The following CSMD3 variants were observed in gnomAD, a reference collection of about 807,000 sequenced individuals.
CSMD3 encodes CUB and Sushi multiple domains 3, also known as CUB and sushi domain-containing protein 3.
Under a neutral mutation model 435.2 loss-of-function variants are expected in CSMD3, and 177 were observed. The observed-to-expected ratio is 0.41, with a 90% CI of 0.36 to 0.46. CSMD3 has a LOEUF of 0.46. Among genes scored for constraint, CSMD3 ranks in the 20% least tolerant of loss-of-function variants. The pLI is 0.34. For missense variants in CSMD3, 4,265 were observed against 4,504.6 expected, an observed-to-expected ratio of 0.95 and a Z score of 1.52; for synonymous variants, 1,656 against 1,520.5, an observed-to-expected ratio of 1.09 and a Z score of -2.07.
intron 10 of CSMD3, among the ~76,000 whole-genome samples, chr8:112,879,429 G>A (rs2081385958): frequency 6.6e-6 from 1 of 152,038 alleles, no homozygotes; most frequent in South Asian, 2.1e-4. Flanking sequence ...TGCCCAGTGG[G>A]ACATGGACCC....
chr8:113,087,846 A>C (rs2089854562), intron 5 of CSMD3, among the ~76,000 whole-genome samples: 1 of 152,350 alleles, frequency 6.6e-6, no homozygotes, highest in Non-Finnish European at 1.5e-5. Context: ...ACAAAAGCCA[A>C]AATTGACAAA....
chr8:112,224,489 T>C lies in CSMD3; in HGVS notation c.*282A>G. ...TGATAGTGGATGCTCCTCCAATATATGCAAATAAGTTTATATTTTAGAATA... is the reference window on the plus strand; with the variant it reads ...TGATAGTGGATGCTCCTCCAATATACGCAAATAAGTTTATATTTTAGAATA... On this transcript the variant is annotated 3_prime_UTR_variant, in exon 71 of 71. Coordinates refer to ENST00000297405, the MANE Select transcript of CSMD3 (RefSeq NM_198123.2). 1 of 435,584 alleles carries C rather than the reference T, an allele frequency of 2.3e-6. No individual in the cohort carries two copies. Among genetic ancestry groups the C allele is most frequent in the Non-Finnish European group, 4.3e-6 (1 of 233,856 alleles). The allele number at this position is 435,584 out of a possible 1,614,324, so 27.0% of individuals were successfully genotyped here.
Position 113,337,654 on chromosome 8 carries a change from CT to C in CSMD3, c.179-22862del, listed in dbSNP as rs1244046119. 3.3e-5 allele frequency among the ~76,000 whole-genome samples: 5 copies of C among 151,880 alleles called. No homozygotes were observed. The South Asian group carries it at 1.0e-3, about 32-fold the overall frequency. On this transcript the variant is annotated intron_variant, in intron 1 of 70. Transcript: ENST00000297405. Reference sequence around the variant, plus strand: ...AATTAGATTTTATCAAAATTAAAAGCTTTGTGTGTTATAAATGATACCATAA... The same window carrying C: ...AATTAGATTTTATCAAAATTAAAAGCTTGTGTGTTATAAATGATACCATAA...
chr8:113,016,976 T>G (rs1034565474), intron 6 of CSMD3, among the ~76,000 whole-genome samples: 7 of 151,972 alleles, frequency 4.6e-5, no homozygotes, highest in African/African-American at 1.4e-4. Context: ...AAAGCAAGCC[T>G]AAATTAGGAA....
intron 38 of CSMD3, among the ~76,000 whole-genome samples, chr8:112,370,023 GGAAGAAGAAGAA>G (rs71309767): frequency 0.14 from 9,355 of 66,602 alleles, 657 homozygotes; most frequent in Admixed American, 0.26. Context: ...AAGAAGAAGA[GGAAGAAGAAGAA>G]GAAGAAGAAG....
At chr8:112,660,298 G>C (rs989639172) in intron 17 of CSMD3, among the ~76,000 whole-genome samples, 6 of 152,150 alleles carry the variant, frequency 3.9e-5, no homozygotes, top group Non-Finnish European at 5.9e-5. Flanking sequence ...GATCAAGGAA[G>C]TGATAGGCAT....
intron 40 of CSMD3, among the ~76,000 whole-genome samples, chr8:112,348,666 GCAGGCAGATCACCTGAGGT>G (rs1456873309): frequency 6.6e-6 from 1 of 152,102 alleles, no homozygotes; most frequent in Non-Finnish European, 1.5e-5. Context: ...GTATACCGAG[GCAGGCAGATCACCTGAGGT>G]CAGGAGTTCG....
intron 38 of CSMD3, among the ~76,000 whole-genome samples, chr8:112,358,385 G>T (rs2131098785): frequency 6.6e-6 from 1 of 152,202 alleles, no homozygotes; most frequent in South Asian, 2.1e-4. Context: ...GGGGACTGTT[G>T]GGAAGGCATG....
chr8:112,472,402 G>C (rs1818610544), intron 32 of CSMD3, among the ~76,000 whole-genome samples, 189 bp downstream of exon 32: 1 of 152,158 alleles, frequency 6.6e-6, no homozygotes, highest in Admixed American at 6.5e-5. Context: ...CTGTGTACTT[G>C]ACTGTAAATT....
intron 16 of CSMD3, among the ~76,000 whole-genome samples, chr8:112,673,288 T>C (rs1213003907): frequency 6.6e-6 from 1 of 151,302 alleles, no homozygotes; most frequent in African/African-American, 2.4e-5. Context: ...ACAAGTCAGG[T>C]ATGTATCTAG....
chr8:113,001,912 A>G (rs138936991), intron 6 of CSMD3, among the ~76,000 whole-genome samples: 2 of 152,148 alleles, frequency 1.3e-5, no homozygotes, highest in African/African-American at 4.8e-5. Flanking sequence ...CTTTTGTTGA[A>G]TAAATATATG....
chr8:112,237,081 T>A, intron 67 of CSMD3, 109 bp downstream of exon 67: 1 of 1,273,412 alleles, frequency 7.9e-7, no homozygotes. Context: ...CAAAAGCAAA[T>A]GTATCAAAAT....
intron 9 of CSMD3, among the ~76,000 whole-genome samples, chr8:112,940,138 G>T (rs2083406806): frequency 6.6e-6 from 1 of 151,876 alleles, no homozygotes; most frequent in South Asian, 2.1e-4. Context: ...AAGTATGGTT[G>T]ATTTACATTA....
chr8:112,353,569 A>T (rs576004214), intron 38 of CSMD3, among the ~76,000 whole-genome samples: 3 of 152,280 alleles, frequency 2.0e-5, no homozygotes, highest in African/African-American at 7.2e-5. Flanking sequence ...GTTCCTGGAA[A>T]CATGCAACCT....
At chr8:112,831,574 A>G (rs2132487874) in intron 11 of CSMD3, among the ~76,000 whole-genome samples, 1 of 133,238 alleles carries the variant, frequency 7.5e-6, no homozygotes, top group South Asian at 2.3e-4. Flanking sequence ...TTTTTTTCGC[A>G]TTTTCCTTAA....
At chr8:112,534,446 C>G (rs1825854002) in intron 27 of CSMD3, among the ~76,000 whole-genome samples, 1 of 152,048 alleles carries the variant, frequency 6.6e-6, no homozygotes, top group Admixed American at 6.6e-5. Context: ...TGGATAAATT[C>G]CTCGACACAT....
intron 3 of CSMD3, among the ~76,000 whole-genome samples, chr8:113,263,666 C>G (rs927042397): frequency 1.3e-5 from 2 of 151,756 alleles, no homozygotes; most frequent in African/African-American, 4.8e-5. Flanking sequence ...ATTTCTCACA[C>G]TTGGTAGCAT....
chr8:112,712,098 T>C (rs921130145), intron 13 of CSMD3, among the ~76,000 whole-genome samples: 2 of 152,082 alleles, frequency 1.3e-5, no homozygotes, highest in African/African-American at 4.8e-5. Flanking sequence ...AAGTCAGTGA[T>C]ACTACAGACC....
intron 9 of CSMD3, among the ~76,000 whole-genome samples, chr8:112,940,818 T>A (rs2083429026): frequency 6.6e-6 from 1 of 151,860 alleles, no homozygotes; most frequent in Non-Finnish European, 1.5e-5. Context: ...TCAACTGGTA[T>A]CTATAAGCCA....
Sources: allele counts gnomAD v4.1 joint callset (sites outside exome capture counted in the v4.1 genomes callset), GRCh38; gene constraint gnomAD v4.1.1; transcripts MANE v1.5; gene names NCBI Gene and HGNC (gene_info 2026-07-23, HGNC 2026-07-21).